ATAD2B: variants seen among roughly 807,000 people sequenced by gnomAD.
ATAD2B encodes the protein ATPase family AAA domain containing 2B.
Under a neutral mutation model 167.6 loss-of-function variants are expected in ATAD2B, and 40 were observed. The observed-to-expected ratio is 0.24, with a 90% CI of 0.19 to 0.31. The LOEUF (loss-of-function observed/expected upper bound fraction) is 0.31. Ranked by LOEUF, ATAD2B falls within the 10% of genes least tolerant of loss-of-function variation. The pLI, the probability that ATAD2B is intolerant of heterozygous loss-of-function variation, is 1.00. For missense variants in ATAD2B, 1,242 were observed against 1,757.2 expected (o/e 0.71, Z 5.24); for synonymous variants, 579 against 596.5 (o/e 0.97, Z 0.43).
intron 1 of ATAD2B, among the ~76,000 whole-genome samples, chr2:23,898,018 CA>C (rs1406046485): frequency 6.6e-6 from 1 of 152,144 alleles, no homozygotes; most frequent in Non-Finnish European, 1.5e-5. Context: ...GATCATGGCT[CA>C]CTGCAGCCTC....
chr2:23,909,653 G>T (rs1163670590), intron 1 of ATAD2B, among the ~76,000 whole-genome samples: 1 of 151,976 alleles, frequency 6.6e-6, no homozygotes, highest in African/African-American at 2.4e-5. Context: ...TCCCTCGGAA[G>T]AACAAACTGG....
the ATAD2B span, chr2:23,693,227 T>C: frequency 6.6e-7 from 1 of 1,516,360 alleles, no homozygotes; most frequent in Non-Finnish European, 8.9e-7. Context: ...GGCAACTGCT[T>C]CCCGGGCCTT....
chr2:23,762,452 T>C, intron 23 of ATAD2B, 106 bp from the exon 24 acceptor site: 1 of 1,213,678 alleles, frequency 8.2e-7, no homozygotes, highest in Non-Finnish European at 1.1e-6. Flanking sequence ...AAGTCATTAA[T>C]TATACTAGGG....
intron 9 of ATAD2B, among the ~76,000 whole-genome samples, chr2:23,868,176 C>T (rs181344116): frequency 3.3e-5 from 5 of 152,016 alleles, no homozygotes; most frequent in East Asian, 3.9e-4. Flanking sequence ...TCTATTTGCC[C>T]GAAGAGCCCA....
chr2:23,801,309 A>G (rs1371946010), intron 18 of ATAD2B, among the ~76,000 whole-genome samples: 1 of 152,112 alleles, frequency 6.6e-6, no homozygotes, highest in Admixed American at 6.5e-5. Flanking sequence ...GGTAACTTTT[A>G]AAGTGTGGAG....
intron 15 of ATAD2B, among the ~76,000 whole-genome samples, chr2:23,824,536 T>C (rs964668098): frequency 1.3e-5 from 2 of 152,254 alleles, no homozygotes; most frequent in African/African-American, 4.8e-5. Flanking sequence ...ATTCATCTGA[T>C]AGTTCCAAAT....
At chr2:23,815,056 C>CAAAA (rs553479769) in intron 17 of ATAD2B, among the ~76,000 whole-genome samples, 5 of 76,540 alleles carry the variant, frequency 6.5e-5, no homozygotes, top group Non-Finnish European at 1.3e-4. Flanking sequence ...AATCCGTCTC[C>CAAAA]AAAAAAAAAA....
intron 13 of ATAD2B, among the ~76,000 whole-genome samples, chr2:23,838,269 C>G (rs1019086177): frequency 1.3e-5 from 2 of 152,146 alleles, no homozygotes; most frequent in African/African-American, 4.8e-5. Flanking sequence ...AATATAAATT[C>G]ATATTTAACC....
At chr2:23,831,618 A>G (rs1308981736) in intron 14 of ATAD2B, among the ~76,000 whole-genome samples, 1 of 152,170 alleles carries the variant, frequency 6.6e-6, no homozygotes, top group Non-Finnish European at 1.5e-5. Context: ...TGAAGCAATC[A>G]GAAAAAAACT....
At chr2:23,888,526 G>C (rs1699017523) in intron 2 of ATAD2B, 127 bp from the exon 3 acceptor site, 3 of 582,706 alleles carry the variant, frequency 5.1e-6, no homozygotes, top group Admixed American at 3.9e-5. Context: ...TTTTTTTACT[G>C]TAAGATTGGT....
chr2:23,911,453 G>A (rs1702289145), intron 1 of ATAD2B, among the ~76,000 whole-genome samples: 2 of 152,046 alleles, frequency 1.3e-5, no homozygotes, highest in Non-Finnish European at 2.9e-5. Flanking sequence ...TACTTGGGAG[G>A]CTGAGGTGGG....
chr2:23,892,230 C>T (rs1300239661), intron 2 of ATAD2B, among the ~76,000 whole-genome samples: 1 of 152,212 alleles, frequency 6.6e-6, no homozygotes, highest in Admixed American at 6.5e-5. Flanking sequence ...GTGGCGCGAT[C>T]TTGGCTCATT....
At chr2:23,755,733 C>T (rs1349128891) in intron 25 of ATAD2B, among the ~76,000 whole-genome samples, 3 of 152,136 alleles carry the variant, frequency 2.0e-5, no homozygotes, top group Non-Finnish European at 4.4e-5. Flanking sequence ...TTCTCAATGC[C>T]TGCTTTATAA....
chr2:23,686,246 A>G, the ATAD2B span, among the ~76,000 whole-genome samples: 4 of 151,730 alleles, frequency 2.6e-5, no homozygotes, highest in Non-Finnish European at 5.9e-5. Context: ...GGGTAACTTC[A>G]AGAGCAGTGG....
rs546759904 is a variant in ATAD2B, at chr2:23,769,891, C to T, written c.3134-4263G>A. The stretch of plus-strand genomic sequence containing the variant: ...TAGAGACAGGGATTCACCATGTTGG[C>T]CAGGCTGGTCTCCAACTCCTGACCT... On this transcript the variant is annotated intron_variant, in intron 22 of 27. Transcript: ENST00000238789. 3.3e-3 allele frequency among the ~76,000 whole-genome samples: 500 copies of T among 150,648 alleles called. 2 individuals are homozygous for T. Among genetic ancestry groups the T allele is most frequent in the African/African-American group, 0.012 (483 of 41,150 alleles).
intron 6 of ATAD2B, 62 bp from the exon 7 acceptor site, chr2:23,880,817 T>A: frequency 1.0e-6 from 1 of 987,704 alleles, no homozygotes; most frequent in Non-Finnish European, 1.5e-6. Context: ...AGGATTGGTC[T>A]ACTCTAGAAC....
chr2:23,823,843 G>A (rs1343369700), intron 15 of ATAD2B, among the ~76,000 whole-genome samples: 1 of 151,368 alleles, frequency 6.6e-6, no homozygotes, highest in Non-Finnish European at 1.5e-5. Context: ...AACAAGCTAT[G>A]TATCTTAAAT....
chr2:23,870,882 T>C (rs766318142), intron 8 of ATAD2B, among the ~76,000 whole-genome samples: 2 of 152,010 alleles, frequency 1.3e-5, no homozygotes, highest in African/African-American at 4.8e-5. Flanking sequence ...ATTAGGTAAT[T>C]TGCCAGGCTG....
the ATAD2B span, among the ~76,000 whole-genome samples, chr2:23,694,086 C>T: frequency 1.3e-5 from 2 of 152,204 alleles, no homozygotes; most frequent in African/African-American, 2.4e-5. Context: ...AGCCACAAGT[C>T]CCTATGACTC....
Sources: allele counts gnomAD v4.1 joint callset (sites outside exome capture counted in the v4.1 genomes callset), GRCh38; gene constraint gnomAD v4.1.1; transcripts MANE v1.5; gene names NCBI Gene and HGNC (gene_info 2026-07-23, HGNC 2026-07-21).